PCMTD1: variants seen among roughly 807,000 people sequenced by gnomAD.
The protein encoded by PCMTD1 is protein-L-isoaspartate O-methyltransferase domain-containing protein 1.
Under a neutral mutation model 37.6 loss-of-function variants are expected in PCMTD1, and 12 were observed. The observed-to-expected ratio is 0.32, with a 90% confidence interval of 0.20 to 0.52. The LOEUF (loss-of-function observed/expected upper bound fraction) is 0.52, where lower values mean the gene tolerates loss of function less well. Ranked by LOEUF, PCMTD1 falls within the 20% of genes least tolerant of loss-of-function variation. The pLI, the probability that PCMTD1 is intolerant of heterozygous loss-of-function variation, is 0.97. For synonymous variants in PCMTD1, 117 were observed against 135.8 expected, an observed-to-expected ratio of 0.86 and a Z score of 0.96; for missense variants, 235 against 421.3, an observed-to-expected ratio of 0.56 and a Z score of 3.87.
intron 3 of PCMTD1, among the ~76,000 whole-genome samples, chr8:51,837,118 C>T (rs1443157449): frequency 3.3e-5 from 5 of 152,140 alleles, no homozygotes; most frequent in Non-Finnish European, 5.9e-5. Flanking sequence ...TAGTAAACAA[C>T]ATGAATGTTT....
intron 2 of PCMTD1, chr8:51,849,319 A>G (rs1391796804): frequency 6.6e-6 from 1 of 152,204 alleles, no homozygotes; most frequent in African/African-American, 2.4e-5. Context: ...CAAGTTGTCA[A>G]TGGAAAAAAG....
At chr8:51,853,053 T>C (rs1368738865) in intron 2 of PCMTD1, among the ~76,000 whole-genome samples, 1 of 152,168 alleles carries the variant, frequency 6.6e-6, no homozygotes, top group African/African-American at 2.4e-5. Context: ...AATCTATGAA[T>C]CCTTTGCATG....
At chr8:51,876,045 T>C (rs940746618) in intron 1 of PCMTD1, among the ~76,000 whole-genome samples, 8 of 152,226 alleles carry the variant, frequency 5.3e-5, no homozygotes, top group Non-Finnish European at 2.9e-5. Context: ...ATATAAACTG[T>C]CTACAATAGT....
intron 3 of PCMTD1, among the ~76,000 whole-genome samples, chr8:51,837,470 C>T (rs1018026971): frequency 2.6e-5 from 4 of 151,918 alleles, no homozygotes; most frequent in African/African-American, 9.7e-5. Context: ...AAATCTAGAA[C>T]ATATTAGAGA....
rs1274021091 is a variant in PCMTD1 at position 51,898,954 on chromosome 8, G to A, written c.-120C>T. 9 of 1,467,186 alleles carry A rather than the reference G, an allele frequency of 6.1e-6. No individual in the cohort carries two copies. The African/African-American group carries it at 1.3e-4, about 21-fold the overall frequency. The allele number at this position is 1,467,186 out of a possible 1,614,324, so 90.9% of individuals were successfully genotyped here. A position where few individuals can be genotyped will look rare whatever the true frequency, so the allele number is the denominator to read the frequency against. On this transcript the variant is annotated 5_prime_UTR_variant, in exon 1 of 6. Transcript: ENST00000522514. ...CCTGTGGCGCGGGCAGCGGCGCGCA[G>A]GCCAGGCGCTAGGACTCGGCGGGGT...
intron 3 of PCMTD1, among the ~76,000 whole-genome samples, chr8:51,841,337 A>T (rs2129279203): frequency 6.6e-6 from 1 of 152,304 alleles, no homozygotes; most frequent in African/African-American, 2.4e-5. Context: ...CTATACAGAG[A>T]CAATGGTCTT....
Position 51,841,086 on chromosome 8 carries a change from A to G in PCMTD1, c.410+4575T>C, listed in dbSNP as rs185353852. Among the ~76,000 whole-genome samples the G allele has an allele frequency of 9.5e-4, 145 of 152,290 alleles. 1 individual carries two copies. The highest frequency in any genetic ancestry group is 3.2e-3 in the African/African-American group (133 of 41,562). On this transcript the variant is annotated intron_variant, in intron 3 of 5. Transcript: ENST00000522514. ...ATTAGAATAAATCAACGTTTACATC[A>G]TAAGAGCCAAACAGAACTAAGTAAG...
intron 1 of PCMTD1, among the ~76,000 whole-genome samples, chr8:51,895,509 A>C (rs1345204861): frequency 2.6e-5 from 4 of 152,228 alleles, no homozygotes; most frequent in Admixed American, 2.0e-4. Flanking sequence ...CAAGACATAA[A>C]GTTGAGTTAT....
chr8:51,866,913 C>T (rs1022111436), intron 1 of PCMTD1, among the ~76,000 whole-genome samples: 1 of 151,824 alleles, frequency 6.6e-6, no homozygotes, highest in Non-Finnish European at 1.5e-5. Flanking sequence ...TCCATACATC[C>T]GATAAAGGAT....
intron 1 of PCMTD1, among the ~76,000 whole-genome samples, chr8:51,892,658 A>G (rs2038952109): frequency 6.6e-6 from 1 of 152,248 alleles, no homozygotes; most frequent in African/African-American, 2.4e-5. Flanking sequence ...TTATAATTGA[A>G]ATACAATCTA....
intron 2 of PCMTD1, among the ~76,000 whole-genome samples, chr8:51,846,292 G>C (rs573842637): frequency 6.6e-6 from 1 of 152,142 alleles, no homozygotes; most frequent in Non-Finnish European, 1.5e-5. Flanking sequence ...TGCTGGACTT[G>C]ACTCTCATGC....
intron 1 of PCMTD1, among the ~76,000 whole-genome samples, chr8:51,868,056 G>T (rs1432671072): frequency 6.6e-6 from 1 of 151,990 alleles, no homozygotes; most frequent in East Asian, 1.9e-4. Context: ...ATTCCACACT[G>T]TAAACATATA....
intron 1 of PCMTD1, among the ~76,000 whole-genome samples, chr8:51,861,727 T>TTA (rs2038473136): frequency 7.2e-6 from 1 of 138,900 alleles, no homozygotes; most frequent in Admixed American, 7.0e-5. Flanking sequence ...TTTTTTTTAA[T>TTA]TTTTTTTTTT....
intron 3 of PCMTD1, among the ~76,000 whole-genome samples, chr8:51,843,733 C>G (rs2038179708): frequency 6.6e-6 from 1 of 152,038 alleles, no homozygotes; most frequent in Non-Finnish European, 1.5e-5. Context: ...TTCCTGTTTC[C>G]CAGGACTATA....
At chr8:51,852,418 T>C (rs533245907) in intron 2 of PCMTD1, among the ~76,000 whole-genome samples, 32 of 152,362 alleles carry the variant, frequency 2.1e-4, no homozygotes, top group Admixed American at 1.2e-3. Flanking sequence ...TAGGGAATGA[T>C]GCATACCACA....
chr8:51,829,523 C>A, intron 5 of PCMTD1, among the ~76,000 whole-genome samples: 1 of 152,166 alleles, frequency 6.6e-6, no homozygotes, highest in East Asian at 1.9e-4. Flanking sequence ...GGTAGACTCC[C>A]ATGGTGGCAG....
intron 1 of PCMTD1, among the ~76,000 whole-genome samples, chr8:51,872,547 C>A (rs1318500178): frequency 6.6e-6 from 1 of 152,038 alleles, no homozygotes; most frequent in Non-Finnish European, 1.5e-5. Flanking sequence ...TCATTAACTG[C>A]CAATAGTTCT....
intron 1 of PCMTD1, among the ~76,000 whole-genome samples, chr8:51,874,141 G>A (rs1031403849): frequency 2.6e-5 from 4 of 152,042 alleles, no homozygotes; most frequent in African/African-American, 9.6e-5. Context: ...CTCCTGATCC[G>A]CCCACCTTGG....
chr8:51,851,981 G>A (rs1356857914), intron 2 of PCMTD1, among the ~76,000 whole-genome samples: 4 of 152,070 alleles, frequency 2.6e-5, no homozygotes, highest in Non-Finnish European at 5.9e-5. Flanking sequence ...CATTTTCCCT[G>A]GAAGACATTT....
Sources: allele counts gnomAD v4.1 joint callset (sites outside exome capture counted in the v4.1 genomes callset), GRCh38; gene constraint gnomAD v4.1.1; transcripts MANE v1.5; gene names NCBI Gene and HGNC (gene_info 2026-07-23, HGNC 2026-07-21).